Variants in PRELID2 observed in about 807,000 individuals in gnomAD.
PRELID2 encodes PRELI domain-containing protein 2.
A neutral mutation model predicts 28.4 loss-of-function variants in PRELID2; 25 were observed. That is an observed-to-expected ratio of 0.88 (90% CI 0.64 to 1.23). The LOEUF is 1.23. PRELID2 is among the 50% of genes most tolerant of loss of function. The pLI is 0.00. For synonymous variants in PRELID2, 76 were observed against 71.6 expected, an observed-to-expected ratio of 1.06 and a Z score of -0.31; for missense variants, 201 against 214.4, an observed-to-expected ratio of 0.94 and a Z score of 0.39.
intron 1 of PRELID2, among the ~76,000 whole-genome samples, chr5:145,625,549 T>C (rs1317622825): frequency 6.6e-6 from 1 of 152,184 alleles, no homozygotes; most frequent in Non-Finnish European, 1.5e-5. Flanking sequence ...TTTTTTTAAA[T>C]TCCAATAAAA....
the PRELID2 span, among the ~76,000 whole-genome samples, chr5:145,392,189 T>G: frequency 6.6e-6 from 1 of 152,168 alleles, no homozygotes; most frequent in Non-Finnish European, 1.5e-5. Context: ...TACTTGAGAC[T>G]GGGTAATTTA....
chr5:145,545,858 A>T (rs1207722800), intron 1 of PRELID2, among the ~76,000 whole-genome samples: 1 of 152,092 alleles, frequency 6.6e-6, no homozygotes, highest in African/African-American at 2.4e-5. Context: ...TTTAACATAC[A>T]TTTGGTGGTT....
intron 1 of PRELID2, among the ~76,000 whole-genome samples, chr5:145,592,903 T>A (rs11951086): frequency 0.11 from 16,579 of 152,178 alleles, 2,425 homozygotes; most frequent in African/African-American, 0.34. Context: ...TACACCTTCC[T>A]ATTGGAATAT....
the PRELID2 span, among the ~76,000 whole-genome samples, chr5:145,396,231 A>T: frequency 6.6e-6 from 1 of 152,146 alleles, no homozygotes; most frequent in Non-Finnish European, 1.5e-5. Flanking sequence ...TCCTCTAATA[A>T]GCTACTGGGA....
At chr5:145,279,143 G>A in the PRELID2 span, among the ~76,000 whole-genome samples, 153 of 152,272 alleles carry the variant, frequency 1.0e-3, no homozygotes, top group African/African-American at 3.6e-3. Context: ...TGTCGTATCT[G>A]AAAGGCTTCC....
intron 6 of PRELID2, among the ~76,000 whole-genome samples, chr5:145,761,431 T>A (rs1160290039): frequency 6.6e-6 from 1 of 152,184 alleles, no homozygotes; most frequent in Non-Finnish European, 1.5e-5. Context: ...TAATATAAAA[T>A]CAGCCAAGTC....
At chr5:145,679,757 A>T (rs1754897204) in intron 1 of PRELID2, among the ~76,000 whole-genome samples, 1 of 151,400 alleles carries the variant, frequency 6.6e-6, no homozygotes, top group Non-Finnish European at 1.5e-5. Context: ...AATAATTTGA[A>T]GGCTGACCCA....
At chr5:145,426,587 T>C in the PRELID2 span, among the ~76,000 whole-genome samples, 1 of 152,220 alleles carries the variant, frequency 6.6e-6, no homozygotes, top group Admixed American at 6.5e-5. Flanking sequence ...GTACATTGCC[T>C]ATATGTCAGG....
intron 5 of PRELID2, among the ~76,000 whole-genome samples, chr5:145,771,982 T>C (rs976438573): frequency 1.3e-5 from 2 of 152,332 alleles, no homozygotes; most frequent in African/African-American, 2.4e-5. Flanking sequence ...GAATACTGCA[T>C]GACACTTCTC....
At chr5:145,456,379 C>A in the PRELID2 span, among the ~76,000 whole-genome samples, 4 of 152,160 alleles carry the variant, frequency 2.6e-5, no homozygotes, top group African/African-American at 4.8e-5. Flanking sequence ...TTATCGTTAT[C>A]TTTTAGTAAC....
chr5:145,684,783 C>T (rs1006894081), intron 1 of PRELID2, among the ~76,000 whole-genome samples: 1 of 152,112 alleles, frequency 6.6e-6, no homozygotes, highest in Non-Finnish European at 1.5e-5. Flanking sequence ...CAGGTAATGA[C>T]CAGCACCAGC....
At chr5:145,463,714 G>T in the PRELID2 span, among the ~76,000 whole-genome samples, 18 of 152,206 alleles carry the variant, frequency 1.2e-4, no homozygotes, top group African/African-American at 4.3e-4. Context: ...GGGCCTGAAG[G>T]TATTGCCAGC....
At chr5:145,277,352 A>G in the PRELID2 span, among the ~76,000 whole-genome samples, 1 of 152,224 alleles carries the variant, frequency 6.6e-6, no homozygotes, top group Non-Finnish European at 1.5e-5. Context: ...ATGTTTTGTG[A>G]TATAGAATAT....
the PRELID2 span, among the ~76,000 whole-genome samples, chr5:145,352,174 G>A: frequency 1.3e-5 from 2 of 152,186 alleles, no homozygotes; most frequent in Non-Finnish European, 2.9e-5. Context: ...ATATGTGGAG[G>A]AGGGTCCAAC....
the PRELID2 span, among the ~76,000 whole-genome samples, chr5:145,399,188 G>C: frequency 6.6e-6 from 1 of 151,974 alleles, no homozygotes; most frequent in Non-Finnish European, 1.5e-5. Flanking sequence ...CTTCTTACTC[G>C]TTATCTAGAG....
chr5:145,776,844 C>A (rs926628272), intron 5 of PRELID2, among the ~76,000 whole-genome samples: 1 of 152,108 alleles, frequency 6.6e-6, no homozygotes, highest in Non-Finnish European at 1.5e-5. Context: ...TTGAGATATC[C>A]CTGCATGTAT....
intron 1 of PRELID2, among the ~76,000 whole-genome samples, chr5:145,704,800 A>G (rs547091027): frequency 6.6e-6 from 1 of 152,312 alleles, no homozygotes; most frequent in East Asian, 1.9e-4. Flanking sequence ...TCTCCTTCAG[A>G]GTGGTGGGAC....
chr5:145,281,225 C>T, the PRELID2 span, among the ~76,000 whole-genome samples: 1 of 152,132 alleles, frequency 6.6e-6, no homozygotes, highest in Non-Finnish European at 1.5e-5. Flanking sequence ...CAGAATAAAT[C>T]ACTAGGCATG....
chr5:145,545,461 A>AC (rs201689255), intron 1 of PRELID2, among the ~76,000 whole-genome samples: 6 of 151,320 alleles, frequency 4.0e-5, no homozygotes, highest in South Asian at 2.1e-4. Context: ...AAAAAAAAAA[A>AC]CCCTAATTTT....
Sources: allele counts gnomAD v4.1 joint callset (sites outside exome capture counted in the v4.1 genomes callset), GRCh38; gene constraint gnomAD v4.1.1; transcripts MANE v1.5; gene names NCBI Gene and HGNC (gene_info 2026-07-23, HGNC 2026-07-21).